Variants in SPOCK3 observed in about 807,000 individuals in gnomAD.
SPOCK3 encodes the protein testican-3.
A neutral mutation model predicts 56.6 loss-of-function variants in SPOCK3; 30 were observed. The observed-to-expected ratio is 0.53, with a 90% CI of 0.40 to 0.72. The LOEUF (loss-of-function observed/expected upper bound fraction) is 0.72, where lower values mean the gene tolerates loss of function less well. SPOCK3 is among the 30% of genes least tolerant of loss of function. The pLI, the probability that SPOCK3 is intolerant of heterozygous loss-of-function variation, is 0.00. For synonymous variants in SPOCK3, 196 were observed against 183.3 expected, an observed-to-expected ratio of 1.07 and a Z score of -0.56; for missense variants, 527 against 530.0, an observed-to-expected ratio of 0.99 and a Z score of 0.06.
chr4:167,006,584 G>C (rs753223942), intron 3 of SPOCK3, among the ~76,000 whole-genome samples: 1 of 151,924 alleles, frequency 6.6e-6, no homozygotes, highest in Non-Finnish European at 1.5e-5. Flanking sequence ...ACTGTATTCC[G>C]ATAATTCGCC....
chr4:166,872,608 C>T (rs573969538), intron 6 of SPOCK3, among the ~76,000 whole-genome samples: 1 of 152,160 alleles, frequency 6.6e-6, no homozygotes, highest in South Asian at 2.1e-4. Flanking sequence ...CAGTATTCTC[C>T]AACACCAAAT....
At chr4:166,803,610 G>A (rs1402022226) in intron 6 of SPOCK3, among the ~76,000 whole-genome samples, 1 of 152,138 alleles carries the variant, frequency 6.6e-6, no homozygotes, top group Non-Finnish European at 1.5e-5. Context: ...ATGTCCTGAG[G>A]ATAGTGAGAG....
intron 3 of SPOCK3, among the ~76,000 whole-genome samples, chr4:167,056,335 A>G (rs995445553): frequency 6.6e-6 from 1 of 152,170 alleles, no homozygotes; most frequent in Non-Finnish European, 1.5e-5. Context: ...AAAGATGGGG[A>G]AAAAACAGAG....
chr4:166,978,721 G>A (rs749772488), intron 4 of SPOCK3, among the ~76,000 whole-genome samples: 1 of 151,862 alleles, frequency 6.6e-6, no homozygotes, highest in East Asian at 1.9e-4. Flanking sequence ...GAAGGAAGAC[G>A]GTTTTATTTA....
intron 10 of SPOCK3, among the ~76,000 whole-genome samples, chr4:166,735,827 T>A (rs1734162373): frequency 6.6e-6 from 1 of 152,044 alleles, no homozygotes; most frequent in East Asian, 1.9e-4. Context: ...CCTGTGTTGA[T>A]CTTCTGAGGC....
intron 7 of SPOCK3, among the ~76,000 whole-genome samples, chr4:166,787,525 T>C (rs1488900577): frequency 6.6e-6 from 1 of 152,156 alleles, no homozygotes; most frequent in Admixed American, 6.5e-5. Flanking sequence ...CAATAACAAA[T>C]AATTTTAAAA....
rs1002773907 is a variant in SPOCK3, at chr4:166,924,819, G to C, written c.351-12076C>G. ...CGTCTTCCCACCATATTGAAGGGAA[G>C]CTGAAATGGGCAACTTAATCTAGTG... On this transcript the variant is annotated intron_variant, in intron 4 of 10. Coordinates refer to ENST00000357545, the MANE Select transcript of SPOCK3 (RefSeq NM_001040159.2). Among the ~76,000 whole-genome samples the C allele has an allele frequency of 2.0e-5, 3 of 152,206 alleles. 1 individual carries two copies. The highest frequency in any genetic ancestry group is 2.0e-4 in the Admixed American group (3 of 15,278).
At position 166,909,237 on chromosome 4, in the gene SPOCK3, C is replaced by T. The variant is rs530584260; in HGVS notation, c.474+3383G>A. 1.4e-3 allele frequency among the ~76,000 whole-genome samples: 209 copies of T among 152,076 alleles called. 5 individuals carry two copies. The South Asian group carries it at 0.041, about 30-fold the overall frequency. ...CTAAAAACGCTGATTAACTTCAAAG[C>T]TTGAACTCAAATAAAATAATTATTC... is the stretch of plus-strand genomic sequence containing the variant. On this transcript the variant is annotated intron_variant, in intron 5 of 10. Coordinates refer to ENST00000357545, the MANE Select transcript of SPOCK3 (RefSeq NM_001040159.2).
intron 7 of SPOCK3, among the ~76,000 whole-genome samples, chr4:166,776,051 C>T (rs992133253): frequency 3.9e-5 from 6 of 151,986 alleles, no homozygotes; most frequent in Non-Finnish European, 7.4e-5. Context: ...AAGAGTTAAA[C>T]CAGTAATAGT....
At chr4:167,093,288 CCTTAATTTTATGAGTCTTTTTTTATTT>C (rs1462101506) in intron 2 of SPOCK3, among the ~76,000 whole-genome samples, 1 of 151,982 alleles carries the variant, frequency 6.6e-6, no homozygotes, top group Non-Finnish European at 1.5e-5. Context: ...AGAATATATC[CCTTAATTTTATGAGTCTTTTTTTATTT>C]TAAGTTCAGG....
intron 2 of SPOCK3, among the ~76,000 whole-genome samples, chr4:167,114,923 A>G (rs931247581): frequency 6.6e-6 from 1 of 152,024 alleles, no homozygotes; most frequent in African/African-American, 2.4e-5. Context: ...GACTAAGAGA[A>G]AAAAAAACAA....
At chr4:166,746,863 C>T (rs1735684314) in intron 8 of SPOCK3, among the ~76,000 whole-genome samples, 1 of 152,142 alleles carries the variant, frequency 6.6e-6, no homozygotes, top group Non-Finnish European at 1.5e-5. Context: ...CACCTTTACA[C>T]AAATAAACTA....
chr4:166,852,930 G>A (rs904172493), intron 6 of SPOCK3, among the ~76,000 whole-genome samples: 1 of 152,120 alleles, frequency 6.6e-6, no homozygotes, highest in Non-Finnish European at 1.5e-5. Context: ...GAGAAAAGAA[G>A]TATATGAACT....
At chr4:166,960,992 T>G (rs564049010) in intron 4 of SPOCK3, among the ~76,000 whole-genome samples, 1 of 152,242 alleles carries the variant, frequency 6.6e-6, no homozygotes, top group Non-Finnish European at 1.5e-5. Flanking sequence ...TTTCTAAGGG[T>G]AAATAATCTG....
chr4:166,971,139 G>A (rs187482001), intron 4 of SPOCK3, among the ~76,000 whole-genome samples: 11 of 152,298 alleles, frequency 7.2e-5, no homozygotes, highest in African/African-American at 2.6e-4. Flanking sequence ...GAAAGGTCTA[G>A]AGGTGTTTGC....
At chr4:167,087,581 T>C (rs1758316361) in intron 2 of SPOCK3, among the ~76,000 whole-genome samples, 1 of 152,156 alleles carries the variant, frequency 6.6e-6, no homozygotes, top group South Asian at 2.1e-4. Context: ...CATTTCACCA[T>C]AAGATAGATG....
chr4:167,194,433 A>G (rs34496346), intron 2 of SPOCK3, among the ~76,000 whole-genome samples: 15,680 of 152,192 alleles, frequency 0.1, 861 homozygotes, highest in Middle Eastern at 0.14. Context: ...TCTTTCAGGC[A>G]TGCTACTAGA....
Position 166,792,214 on chromosome 4 carries a change from C to T in SPOCK3, c.665G>A (p.Ser222Asn), listed in dbSNP as rs758993992. The T allele has an allele frequency of 5.6e-6, 9 of 1,613,812 alleles. No homozygotes were observed. The highest frequency in any genetic ancestry group is 1.7e-5 in the Admixed American group (1 of 59,986). The change falls in exon 7 of 11, where the codon AGT becomes AAT. Residue 222 changes from serine to asparagine, a missense_variant. Coordinates refer to ENST00000357545, the MANE Select transcript of SPOCK3 (RefSeq NM_001040159.2). ...DWFKALHESG[S>N]QNKKTKTLLR... Reference sequence around the variant, plus strand: ...CAATGTTTTTGTCTTCTTGTTTTGACTTCCACTTTCATGAAGGGCCTTGAA... The same window carrying T: ...CAATGTTTTTGTCTTCTTGTTTTGATTTCCACTTTCATGAAGGGCCTTGAA...
At chr4:166,746,091 T>C (rs1735572832) in intron 8 of SPOCK3, among the ~76,000 whole-genome samples, 1 of 152,108 alleles carries the variant, frequency 6.6e-6, no homozygotes, top group South Asian at 2.1e-4. Flanking sequence ...CACAGAAAGT[T>C]AACAAAGATA....
Sources: gnomAD v4.1 joint callset for allele counts (sites outside exome capture counted in the v4.1 genomes callset) on GRCh38, gnomAD v4.1.1 for gene constraint, MANE v1.5 for transcripts, NCBI Gene and HGNC (gene_info 2026-07-23, HGNC 2026-07-21) for gene names.